The following PTPRR variants were observed in gnomAD, a reference collection of about 807,000 sequenced individuals.
The protein encoded by PTPRR is receptor-type tyrosine-protein phosphatase R.
PTPRR carries 38 observed loss-of-function variants against 77.2 expected under a neutral mutation model. That is an observed-to-expected ratio of 0.49 (90% CI 0.38 to 0.65). PTPRR has a LOEUF of 0.65. Among genes scored for constraint, PTPRR ranks in the 30% least tolerant of loss-of-function variants. The probability of loss-of-function intolerance (pLI) is 0.00; values close to 1 mark genes in which losing one functional copy is unlikely to be tolerated. For missense variants in PTPRR, 744 were observed against 799.2 expected, an observed-to-expected ratio of 0.93 and a Z score of 0.83; for synonymous variants, 299 against 283.1, an observed-to-expected ratio of 1.06 and a Z score of -0.57.
rs535510564 is a variant in PTPRR, at chr12:70,863,775, T to C, written c.357+28904A>G. Among the ~76,000 whole-genome samples, 3 of 152,270 alleles carry C rather than the reference T, an allele frequency of 2.0e-5. No homozygotes were observed. The South Asian group carries it at 6.2e-4, about 32-fold the overall frequency. On this transcript the variant is annotated intron_variant, in intron 2 of 13. Transcript: ENST00000283228. ...ATTTAAGGATTCAGGAACACTCACA[T>C]CTTAGAAAATGTCCAGTACTTTAAA...
At chr12:70,801,548 A>T (rs1383542167) in intron 2 of PTPRR, among the ~76,000 whole-genome samples, 2 of 152,144 alleles carry the variant, frequency 1.3e-5, no homozygotes, top group Non-Finnish European at 2.9e-5. Context: ...TCAGATTCGA[A>T]CTTACACCAT....
intron 1 of PTPRR, among the ~76,000 whole-genome samples, chr12:70,901,691 T>C (rs1173223391): frequency 6.6e-6 from 1 of 151,700 alleles, no homozygotes; most frequent in African/African-American, 2.4e-5. Context: ...GATATTGTCT[T>C]AGGCGAGGAT....
At chr12:70,891,814 T>A (rs1017937164) in intron 2 of PTPRR, among the ~76,000 whole-genome samples, 1 of 152,126 alleles carries the variant, frequency 6.6e-6, no homozygotes. Flanking sequence ...TTACATTTGG[T>A]GCATAGAGGA....
rs542217492 is a variant in PTPRR, at chr12:70,850,231, G to A, written c.357+42448C>T. On this transcript the variant is annotated intron_variant, in intron 2 of 13. Transcript: ENST00000283228. ...GCAAAAATTAGCTGGGTGTGGTGGC[G>A]GGCGCCTATAGTCCTAGCTACTCGG... Among the ~76,000 whole-genome samples, 8 of 151,920 alleles carry A rather than the reference G, an allele frequency of 5.3e-5. No homozygotes were observed. The South Asian group carries it at 1.3e-3, about 24-fold the overall frequency.
chr12:70,714,664 A>T (rs571794622), intron 6 of PTPRR, among the ~76,000 whole-genome samples: 1 of 152,336 alleles, frequency 6.6e-6, no homozygotes, highest in Non-Finnish European at 1.5e-5. Flanking sequence ...TTATTCATGC[A>T]AATGTATCTG....
At chr12:70,767,788 A>G (rs529463395) in intron 2 of PTPRR, among the ~76,000 whole-genome samples, 2 of 152,352 alleles carry the variant, frequency 1.3e-5, no homozygotes, top group South Asian at 4.1e-4. Context: ...CAGCAAATGT[A>G]AAAGAACAGA....
chr12:70,724,678 T>C (rs992368783), intron 6 of PTPRR, among the ~76,000 whole-genome samples: 1 of 152,146 alleles, frequency 6.6e-6, no homozygotes, highest in African/African-American at 2.4e-5. Flanking sequence ...CCACTGCTAC[T>C]GCTACTGTTA....
In PTPRR at chr12:70,745,147, G is replaced by A. The variant is rs138770860; in HGVS notation, c.1007+671C>T. Among the ~76,000 whole-genome samples, 477 of 151,928 alleles carry A rather than the reference G, an allele frequency of 3.1e-3. 5 individuals are homozygous for A. Among genetic ancestry groups the A allele is most frequent in the African/African-American group, 9.9e-3 (409 of 41,430 alleles). Reference sequence around the variant, plus strand: ...TGATGCTATCTCGGCTCACTGCAACGTCTGCCTCCCAGGTTCAAGCAATTC... The same window carrying A: ...TGATGCTATCTCGGCTCACTGCAACATCTGCCTCCCAGGTTCAAGCAATTC... On this transcript the variant is annotated intron_variant, in intron 6 of 13. Coordinates refer to ENST00000283228, the MANE Select transcript of PTPRR (RefSeq NM_002849.4).
intron 10 of PTPRR, among the ~76,000 whole-genome samples, chr12:70,678,936 C>G (rs1887553030): frequency 6.6e-6 from 1 of 152,196 alleles, no homozygotes; most frequent in Admixed American, 6.5e-5. Flanking sequence ...CCTGCCTCGG[C>G]CTCCCAAAGT....
At chr12:70,756,931 G>T (rs1387122031) in intron 4 of PTPRR, among the ~76,000 whole-genome samples, 2 of 152,154 alleles carry the variant, frequency 1.3e-5, no homozygotes, top group African/African-American at 2.4e-5. Flanking sequence ...ATGTTACAAA[G>T]TATCTGGTTA....
chr12:70,873,830 C>T (rs1893002498), intron 2 of PTPRR, among the ~76,000 whole-genome samples: 1 of 152,074 alleles, frequency 6.6e-6, no homozygotes, highest in African/African-American at 2.4e-5. Context: ...GTTTGGGACA[C>T]TCTAAAAATC....
chr12:70,813,379 A>C (rs1409219093), intron 2 of PTPRR, among the ~76,000 whole-genome samples: 4 of 150,898 alleles, frequency 2.7e-5, no homozygotes, highest in Non-Finnish European at 5.9e-5. Flanking sequence ...TGTGCATCTC[A>C]ACGTGGATAT....
At chr12:70,734,191 T>C (rs1384755248) in intron 6 of PTPRR, among the ~76,000 whole-genome samples, 2 of 118,056 alleles carry the variant, frequency 1.7e-5, no homozygotes, top group African/African-American at 3.1e-5. Context: ...ATTTGGAACA[T>C]GGTCCCCTAG....
intron 2 of PTPRR, 36 bp from the exon 3 acceptor site, chr12:70,764,814 G>T: frequency 7.2e-7 from 1 of 1,384,388 alleles, no homozygotes; most frequent in Non-Finnish European, 1.0e-6. Context: ...CCAAATTATA[G>T]TATTAATTTG....
intron 6 of PTPRR, 48 bp downstream of exon 6, chr12:70,745,770 C>T: frequency 6.4e-7 from 1 of 1,563,340 alleles, no homozygotes; most frequent in Admixed American, 2.0e-5. Flanking sequence ...TTGATGAATA[C>T]TCTTTTTATA....
chr12:70,698,270 A>G lies in PTPRR; in HGVS notation c.1274T>C (p.Leu425Ser), dbSNP rs141719521. The change falls in exon 8 of 14, where the codon TTA becomes TCA. Residue 425 changes from leucine to serine, a missense_variant. By Grantham distance (145) the Leu-to-Ser change is moderately radical (BLOSUM62 -2). Around this residue, in one of 3 missense-constraint regions of PTPRR, gnomAD observed 570 missense variants for 573.2 expected, o/e 0.99. Transcript: ENST00000283228. ...TATAAAATCAAGAAGCTTACTTGGT[A>G]AAATGGTCTTATAGCGATTTTTAGT... ...HGTKNRYKTI[L>S]PNPLSRVCLR... 1.2e-5 allele frequency: 19 copies of G among 1,612,346 alleles called. No individual in the cohort carries two copies. Among genetic ancestry groups the G allele is most frequent in the Non-Finnish European group, 1.5e-5 (18 of 1,178,890 alleles).
At chr12:70,884,192 A>C (rs1221632419) in intron 2 of PTPRR, among the ~76,000 whole-genome samples, 3 of 152,214 alleles carry the variant, frequency 2.0e-5, no homozygotes, top group African/African-American at 7.2e-5. Context: ...CCTGAGTCAT[A>C]GGGATCACAG....
intron 6 of PTPRR, among the ~76,000 whole-genome samples, chr12:70,713,741 G>A (rs568181562): frequency 1.6e-4 from 24 of 151,674 alleles, no homozygotes; most frequent in African/African-American, 5.8e-4. Context: ...TTTTAATTTG[G>A]GTTGTCTTTT....
At chr12:70,807,029 G>C (rs1391728835) in intron 2 of PTPRR, among the ~76,000 whole-genome samples, 1 of 152,198 alleles carries the variant, frequency 6.6e-6, no homozygotes, top group Non-Finnish European at 1.5e-5. Flanking sequence ...ATGTCTGCAA[G>C]GAACTTAATA....
Sources: allele counts gnomAD v4.1 joint callset (sites outside exome capture counted in the v4.1 genomes callset), GRCh38; gene constraint gnomAD v4.1.1; regional missense constraint gnomAD v4.1.1; transcripts MANE v1.5; gene names NCBI Gene and HGNC (gene_info 2026-07-23, HGNC 2026-07-21).